The following EHD4 variants were observed in gnomAD, a reference collection of about 807,000 sequenced individuals.
EHD4 encodes EH domain containing 4.
Under a neutral mutation model 51.0 loss-of-function variants are expected in EHD4, and 37 were observed. The observed-to-expected ratio is 0.73, with a 90% CI of 0.56 to 0.95. The LOEUF (loss-of-function observed/expected upper bound fraction) is 0.95. EHD4 is among the 40% of genes least tolerant of loss of function. The probability of loss-of-function intolerance (pLI) is 0.00; values close to 1 mark genes in which losing one functional copy is unlikely to be tolerated. For synonymous variants in EHD4, 297 were observed against 317.3 expected (o/e 0.94, Z 0.68); for missense variants, 632 against 733.1 (o/e 0.86, Z 1.59).
chr15:41,902,816 T>C (rs1341108260), intron 5 of EHD4, among the ~76,000 whole-genome samples: 1 of 133,786 alleles, frequency 7.5e-6, no homozygotes, highest in African/African-American at 2.6e-5. Context: ...TGTGTATATA[T>C]ATGTATGTAT....
Position 41,909,793 on chromosome 15 carries a change from CTCT to C in EHD4, c.992_994del (p.Lys331del), listed in dbSNP as rs778098045. 3 of 1,614,202 alleles carry C rather than the reference CTCT, an allele frequency of 1.9e-6. No homozygotes were observed. The highest frequency in any genetic ancestry group is 1.7e-5 in the Admixed American group (1 of 60,022). The stretch of plus-strand genomic sequence containing the variant: ...TTCCGGTAGCCTGCTGATAAGCTCT[CTCT>C]TCTTGTTTTCCTTTCCAAATACACT... On this transcript the variant is annotated inframe_deletion, in exon 5 of 6. Transcript: ENST00000220325.
chr15:41,966,220 G>T (rs1042308633), intron 1 of EHD4, among the ~76,000 whole-genome samples: 1 of 151,724 alleles, frequency 6.6e-6, no homozygotes, highest in South Asian at 2.1e-4. Flanking sequence ...TCCTCAACCC[G>T]CGCCATCTGG....
chr15:41,949,898 G>A (rs1416932806), intron 2 of EHD4, among the ~76,000 whole-genome samples: 1 of 152,162 alleles, frequency 6.6e-6, no homozygotes, highest in Non-Finnish European at 1.5e-5. Context: ...GCGTCTCAGA[G>A]GATCCAATGC....
chr15:41,963,058 G>A (rs994378559), intron 1 of EHD4, among the ~76,000 whole-genome samples: 6 of 152,180 alleles, frequency 3.9e-5, no homozygotes, highest in Non-Finnish European at 8.8e-5. Flanking sequence ...TAAGGGCAGT[G>A]CAAGATGTGC....
In EHD4 at chr15:41,898,285, A is replaced by G. The variant is rs2067452884; in HGVS notation, c.*2360T>C. 1 of 152,202 alleles carries G rather than the reference A, an allele frequency of 6.6e-6. No individual in the cohort carries two copies. The highest frequency in any genetic ancestry group is 2.4e-5 in the African/African-American group (1 of 41,442). The allele number at this position is 152,202 out of a possible 1,614,324, so 9.4% of individuals were successfully genotyped here. On this transcript the variant is annotated 3_prime_UTR_variant, in exon 6 of 6. Transcript: ENST00000220325. ...GTTTTCCTCCACGGAGAAATCAGAG[A>G]CCTCAACCTGCTGCCCTCTAAAGCA...
At chr15:41,917,351 C>T (rs947116392) in intron 4 of EHD4, among the ~76,000 whole-genome samples, 1 of 152,108 alleles carries the variant, frequency 6.6e-6, no homozygotes, top group Admixed American at 6.5e-5. Flanking sequence ...GAACTCCTGA[C>T]TTTGTGATCC....
intron 5 of EHD4, chr15:41,908,744 A>G (rs2067528422): frequency 6.6e-6 from 1 of 152,202 alleles, no homozygotes; most frequent in South Asian, 2.1e-4. Context: ...ACATGTTCTT[A>G]GCACACCTCG....
At chr15:41,928,190 G>A (rs2140992537) in intron 3 of EHD4, among the ~76,000 whole-genome samples, 1 of 152,310 alleles carries the variant, frequency 6.6e-6, no homozygotes, top group Admixed American at 6.5e-5. Flanking sequence ...TGTCATTGTG[G>A]CAGAGAGCAA....
At chr15:41,953,016 A>AAAAC (rs2067863586) in intron 2 of EHD4, among the ~76,000 whole-genome samples, 1 of 151,566 alleles carries the variant, frequency 6.6e-6, no homozygotes, top group South Asian at 2.1e-4. Context: ...AAAAAAAAAA[A>AAAAC]AAAAACGACC....
Position 41,972,481 on chromosome 15 carries a change from A to G in EHD4, c.14T>C (p.Met5Thr). Reference sequence around the variant, plus strand: ...TTCGCGCCCGCCCGCCTGCCGCCCCATCCAGCTGAACATCCTGCCGCCAGT... The same window carrying G: ...TTCGCGCCCGCCCGCCTGCCGCCCCGTCCAGCTGAACATCCTGCCGCCAGT... MFSW[M>T]GRQAGGRERA... is the part of the protein sequence containing the mutation. The change falls in exon 1 of 6, where the codon ATG becomes ACG. Residue 5 changes from methionine to threonine, a missense_variant. By Grantham distance (81) the Met-to-Thr change is moderately conservative (BLOSUM62 -1). Coordinates refer to ENST00000220325, the MANE Select transcript of EHD4 (RefSeq NM_139265.4). 1.3e-6 allele frequency: 2 copies of G among 1,533,116 alleles called. No homozygotes were observed. The highest frequency in any genetic ancestry group is 1.2e-5 in the South Asian group (1 of 81,124). 95.0% of individuals were successfully genotyped at this position (1,533,116 alleles called of 1,614,324 possible).
chr15:41,897,746 C>G lies in EHD4; in HGVS notation c.*2899G>C, dbSNP rs535809060. The G allele has an allele frequency of 5.9e-5, 9 of 152,222 alleles. No individual in the cohort carries two copies. Among genetic ancestry groups the G allele is most frequent in the African/African-American group, 1.9e-4 (8 of 41,440 alleles). The allele number at this position is 152,222 out of a possible 1,614,324, so 9.4% of individuals were successfully genotyped here. A position where few individuals can be genotyped will look rare whatever the true frequency, so the allele number is the denominator to read the frequency against. On this transcript the variant is annotated 3_prime_UTR_variant, in exon 6 of 6. Coordinates refer to ENST00000220325, the MANE Select transcript of EHD4 (RefSeq NM_139265.4). Reference sequence around the variant, plus strand: ...GGAGTTTTCATTTTCCCTTTAAACTCAAGACCGGAAGGTTTGTGTTATGCG... The same window carrying G: ...GGAGTTTTCATTTTCCCTTTAAACTGAAGACCGGAAGGTTTGTGTTATGCG...
Position 41,932,261 on chromosome 15 carries a change from C to A in EHD4, c.511+10806G>T, listed in dbSNP as rs568314834. Among the ~76,000 whole-genome samples, 4 of 152,324 alleles carry A rather than the reference C, an allele frequency of 2.6e-5. No homozygotes were observed. The South Asian group carries it at 8.3e-4, about 32-fold the overall frequency. ...TACTATAAGTGGGAAAATCAAGACA[C>A]AGGGCAGTGGAGCGAATCCCGCCAG... On this transcript the variant is annotated intron_variant, in intron 3 of 5. Transcript: ENST00000220325.
At chr15:41,934,248 G>A (rs1035463425) in intron 3 of EHD4, among the ~76,000 whole-genome samples, 5 of 151,910 alleles carry the variant, frequency 3.3e-5, no homozygotes, top group Admixed American at 6.6e-5. Context: ...CTCAAAATGG[G>A]GCCCCCTGTA....
chr15:41,933,660 A>C (rs1275332457), intron 3 of EHD4, among the ~76,000 whole-genome samples: 1 of 152,104 alleles, frequency 6.6e-6, no homozygotes, highest in East Asian at 1.9e-4. Context: ...GTGCACAGTG[A>C]TTAGGAGGGA....
At chr15:41,914,057 T>TGTGC (rs1268408573) in intron 4 of EHD4, among the ~76,000 whole-genome samples, 8 of 151,898 alleles carry the variant, frequency 5.3e-5, no homozygotes, top group Non-Finnish European at 1.0e-4. Context: ...TGTGTGTGTG[T>TGTGC]GCCTCCAAGA....
chr15:41,943,988 G>A (rs937876192), intron 2 of EHD4, among the ~76,000 whole-genome samples: 2 of 152,198 alleles, frequency 1.3e-5, no homozygotes, highest in Non-Finnish European at 2.9e-5. Flanking sequence ...TTCCTCATTT[G>A]CCTGATACCA....
intron 1 of EHD4, among the ~76,000 whole-genome samples, chr15:41,971,035 ACACT>A (rs992607978): frequency 6.6e-6 from 1 of 152,194 alleles, no homozygotes; most frequent in African/African-American, 2.4e-5. Flanking sequence ...TACTTTCTTC[ACACT>A]CAATTTATTA....
At chr15:41,916,146 T>A (rs989970616) in intron 4 of EHD4, among the ~76,000 whole-genome samples, 26 of 152,242 alleles carry the variant, frequency 1.7e-4, no homozygotes, top group African/African-American at 6.0e-4. Context: ...ACCCTTTGCA[T>A]GTTTTCAAAG....
At chr15:41,960,252 T>C (rs1249011749) in intron 1 of EHD4, among the ~76,000 whole-genome samples, 1 of 152,188 alleles carries the variant, frequency 6.6e-6, no homozygotes, top group African/African-American at 2.4e-5. Context: ...TCCTAGTTTA[T>C]AGAGGAGAAA....
Sources: allele counts gnomAD v4.1 joint callset (sites outside exome capture counted in the v4.1 genomes callset), GRCh38; gene constraint gnomAD v4.1.1; transcripts MANE v1.5; gene names NCBI Gene and HGNC (gene_info 2026-07-23, HGNC 2026-07-21).